The following ASCC3 variants were observed in gnomAD, a reference collection of about 807,000 sequenced individuals.
ASCC3 encodes ASC-1 complex subunit P200.
In ASCC3, 158 loss-of-function variants were observed where a neutral mutation model predicts 256.3. The ratio of observed to expected loss-of-function variants is 0.62; its 90% CI spans 0.54 to 0.70. The LOEUF (loss-of-function observed/expected upper bound fraction) is 0.70, where lower values mean the gene tolerates loss of function less well. Among genes scored for constraint, ASCC3 ranks in the 30% least tolerant of loss-of-function variants. The pLI is 0.00. For synonymous variants in ASCC3, 948 were observed against 883.4 expected (o/e 1.07, Z -1.30); for missense variants, 2,259 against 2,626.0 (o/e 0.86, Z 3.05).
chr6:100,629,317 TTC>T, intron 26 of ASCC3, 136 bp from the exon 27 acceptor site: 1 of 732,676 alleles, frequency 1.4e-6, no homozygotes. Context: ...TTTTGAAATT[TTC>T]CAAGTTGAGT....
chr6:100,676,317 A>T (rs577145674), intron 14 of ASCC3, among the ~76,000 whole-genome samples: 1 of 152,288 alleles, frequency 6.6e-6, no homozygotes, highest in Non-Finnish European at 1.5e-5. Flanking sequence ...AATAGGTATT[A>T]TTTACTCCAT....
chr6:100,837,000 T>A (rs1343425778), intron 4 of ASCC3, among the ~76,000 whole-genome samples: 1 of 151,964 alleles, frequency 6.6e-6, no homozygotes, highest in Non-Finnish European at 1.5e-5. Context: ...ATATCCAGAA[T>A]AATAAGGAAA....
At chr6:100,772,180 C>A (rs12202621) in intron 8 of ASCC3, among the ~76,000 whole-genome samples, 83,503 of 151,966 alleles carry the variant, frequency 0.55, 23,302 homozygotes, top group South Asian at 0.75. Flanking sequence ...CGCACCTAGC[C>A]CAATCTAGCA....
intron 37 of ASCC3, among the ~76,000 whole-genome samples, chr6:100,529,316 T>A (rs995414399): frequency 6.6e-6 from 1 of 152,182 alleles, no homozygotes; most frequent in Non-Finnish European, 1.5e-5. Context: ...TGTAGCTTTA[T>A]GGGAGAATGT....
intron 4 of ASCC3, among the ~76,000 whole-genome samples, chr6:100,812,192 G>T (rs1770503595): frequency 6.6e-6 from 1 of 152,086 alleles, no homozygotes; most frequent in Non-Finnish European, 1.5e-5. Context: ...ACTAGCCCCA[G>T]TGGAAACATG....
At chr6:100,716,798 G>C (rs978629233) in intron 12 of ASCC3, among the ~76,000 whole-genome samples, 3 of 151,862 alleles carry the variant, frequency 2.0e-5, no homozygotes, top group Non-Finnish European at 4.4e-5. Context: ...TTAACAATTT[G>C]TATGATGCAA....
chr6:100,726,607 G>C (rs1779639898), intron 10 of ASCC3, among the ~76,000 whole-genome samples: 1 of 151,996 alleles, frequency 6.6e-6, no homozygotes, highest in Admixed American at 6.6e-5. Flanking sequence ...AATTAGAGAT[G>C]CTCAACCTGT....
intron 10 of ASCC3, among the ~76,000 whole-genome samples, chr6:100,745,715 T>C (rs909123172): frequency 6.6e-5 from 10 of 152,152 alleles, no homozygotes; most frequent in Non-Finnish European, 1.2e-4. Flanking sequence ...TCACGCTAAT[T>C]GCAAATGAGG....
chr6:100,561,160 A>G (rs931901147), intron 36 of ASCC3, among the ~76,000 whole-genome samples: 1 of 152,056 alleles, frequency 6.6e-6, no homozygotes, highest in African/African-American at 2.4e-5. Flanking sequence ...TTGGTCTACA[A>G]ATAGCAAAAT....
At chr6:100,663,023 C>A (rs1452236215) in intron 14 of ASCC3, among the ~76,000 whole-genome samples, 2 of 152,036 alleles carry the variant, frequency 1.3e-5, no homozygotes, top group African/African-American at 2.4e-5. Flanking sequence ...GCTTCAGAGC[C>A]TTTACACTTT....
intron 37 of ASCC3, among the ~76,000 whole-genome samples, chr6:100,521,651 T>C (rs1203554406): frequency 6.6e-6 from 1 of 152,196 alleles, no homozygotes; most frequent in Non-Finnish European, 1.5e-5. Flanking sequence ...TTGTACAAGA[T>C]GGCAGGGAAC....
Position 100,799,564 on chromosome 6 carries a change from GC to G in ASCC3, c.1135del (p.Ala379HisfsTer3), listed in dbSNP as rs1209956989. 6.2e-7 allele frequency: 1 copy of G among 1,612,136 alleles called. No individual in the cohort carries two copies. Among genetic ancestry groups the G allele is most frequent in the Non-Finnish European group, 8.5e-7 (1 of 1,179,258 alleles). ...PKELRIQREQ[A>X]LLNARSVPIL... ...TGGAACACTTCTAGCATTCAGAAGTGCCTGTTCTCTGTAAACATAAAAATAG... is the reference window on the plus strand; with the variant it reads ...TGGAACACTTCTAGCATTCAGAAGTGCTGTTCTCTGTAAACATAAAAATAG... On this transcript the variant is annotated frameshift_variant, in exon 7 of 42. Coordinates refer to ENST00000369162, the MANE Select transcript of ASCC3 (RefSeq NM_006828.4). LOFTEE classifies it high-confidence loss of function.
intron 36 of ASCC3, among the ~76,000 whole-genome samples, chr6:100,582,026 T>C (rs576372044): frequency 0.016 from 2,491 of 152,240 alleles, 58 homozygotes; most frequent in African/African-American, 0.057. Context: ...GTGTGATGCC[T>C]CCAGCTTTGT....
intron 37 of ASCC3, among the ~76,000 whole-genome samples, chr6:100,519,125 TGATA>T (rs1234609201): frequency 6.6e-6 from 1 of 152,148 alleles, no homozygotes; most frequent in African/African-American, 2.4e-5. Flanking sequence ...TTAGTACTGT[TGATA>T]GAGAAACATT....
chr6:100,518,262 C>G lies in ASCC3; in HGVS notation c.5776-120G>C. ...AACCAAGCATTGTATCTCTAAATTA[C>G]TATTCATCAACATAGAAACCAGAAA... On this transcript the variant is annotated intron_variant, in intron 37 of 41. Transcript: ENST00000369162. 2.8e-6 allele frequency: 3 copies of G among 1,085,862 alleles called. No individual in the cohort carries two copies. In the African/African-American group the frequency reaches 4.7e-5, roughly 17 times the overall value. The allele number at this position is 1,085,862 out of a possible 1,614,324, so 67.3% of individuals were successfully genotyped here.
At chr6:100,821,808 A>G (rs1274984109) in intron 4 of ASCC3, among the ~76,000 whole-genome samples, 1 of 152,128 alleles carries the variant, frequency 6.6e-6, no homozygotes, top group African/African-American at 2.4e-5. Context: ...TGGATGACAG[A>G]GCGAGACTCC....
chr6:100,646,009 A>T (rs1272524412), intron 22 of ASCC3, among the ~76,000 whole-genome samples: 1 of 152,166 alleles, frequency 6.6e-6, no homozygotes, highest in Admixed American at 6.5e-5. Context: ...AAAAGGAAAG[A>T]ATATTAATTT....
At position 100,566,959 on chromosome 6, in the gene ASCC3, T is replaced by C. The variant is rs183591668; in HGVS notation, c.5550+22675A>G. Among the ~76,000 whole-genome samples the C allele has an allele frequency of 2.2e-3, 338 of 152,264 alleles. 1 individual carries two copies. Among genetic ancestry groups the C allele is most frequent in the African/African-American group, 7.7e-3 (319 of 41,552 alleles). On this transcript the variant is annotated intron_variant, in intron 36 of 41. Transcript: ENST00000369162. ...TTGAAGATGCCTAGGATCTCCATCT[T>C]ATTAATTGAAAGAATATTCTCAGCT...
intron 22 of ASCC3, among the ~76,000 whole-genome samples, chr6:100,644,788 A>G (rs1320106395): frequency 6.6e-6 from 1 of 152,158 alleles, no homozygotes; most frequent in African/African-American, 2.4e-5. Flanking sequence ...ATACTGGCCC[A>G]ATTAGACTGA....
Sources: gnomAD v4.1 joint callset for allele counts (sites outside exome capture counted in the v4.1 genomes callset) on GRCh38, gnomAD v4.1.1 for gene constraint, MANE v1.5 for transcripts, NCBI Gene and HGNC (gene_info 2026-07-23, HGNC 2026-07-21) for gene names.